The following TEKT2 variants were observed in gnomAD, a reference collection of about 807,000 sequenced individuals.
The protein encoded by TEKT2 is tektin-2.
TEKT2 carries 45 observed loss-of-function variants against 49.8 expected under a neutral mutation model. That is an observed-to-expected ratio of 0.90 (90% CI 0.71 to 1.16). TEKT2 has a LOEUF of 1.16. TEKT2 is among the 50% of genes most tolerant of loss of function. The pLI, the probability that TEKT2 is intolerant of heterozygous loss-of-function variation, is 0.00. For missense variants in TEKT2, 523 were observed against 551.4 expected (o/e 0.95, Z 0.52); for synonymous variants, 202 against 224.6 (o/e 0.90, Z 0.90).
Position 36,084,464 on chromosome 1 carries a change from G to A in TEKT2, c.-53+315G>A, listed in dbSNP as rs1326348028. The A allele has an allele frequency of 8.1e-6, 2 of 247,648 alleles. No individual in the cohort carries two copies. The highest frequency in any genetic ancestry group is 4.5e-5 in the African/African-American group (2 of 44,526). The allele number at this position is 247,648 out of a possible 1,614,324, so 15.3% of individuals were successfully genotyped here. On this transcript the variant is annotated intron_variant, in intron 1 of 9. Coordinates refer to ENST00000207457, the MANE Select transcript of TEKT2 (RefSeq NM_014466.3). The surrounding 1 kb of genome is among the most constrained non-coding windows in gnomAD (Gnocchi z 4.1). ...GGCTCCTGCCCTTAGATCCCCCACG[G>A]GGACTGGCCCGCAGCCTGGGGAAGA...
rs201310093 is a variant in TEKT2 at position 36,087,436 on chromosome 1, C to A, written c.856-3C>A. ...TGGAAACCAGTCACTCTGTCCCCTG[C>A]AGACCTTGGAGGAGATCGCTGAGCT... On this transcript the variant is annotated splice_region_variant and splice_polypyrimidine_tract_variant and intron_variant, in intron 7 of 9. Transcript: ENST00000207457. The surrounding 1 kb of genome is among the most constrained non-coding windows in gnomAD (Gnocchi z 4.9). 6.2e-7 allele frequency: 1 copy of A among 1,613,846 alleles called. No individual in the cohort carries two copies. The highest frequency in any genetic ancestry group is 1.7e-5 in the Admixed American group (1 of 60,032).
At chr1:36,085,540 C>T (rs1643358814) in intron 3 of TEKT2, among the ~76,000 whole-genome samples, 1 of 113,364 alleles carries the variant, frequency 8.8e-6, no homozygotes, top group South Asian at 2.9e-4. Flanking sequence ...TTTGAGACAG[C>T]ATCTGGATCT....
chr1:36,085,656 A>C (rs892810050), intron 3 of TEKT2, 180 bp from the exon 4 acceptor site: 6 of 685,782 alleles, frequency 8.7e-6, no homozygotes, highest in Non-Finnish European at 1.3e-5. Context: ...AGTAGCTGGG[A>C]CTACAGGCGT....
rs1486539458 is a variant in TEKT2, at chr1:36,084,941, A to G, written c.20A>G (p.Lys7Arg). 3 of 1,613,936 alleles carry G rather than the reference A, an allele frequency of 1.9e-6. No homozygotes were observed. Among genetic ancestry groups the G allele is most frequent in the Non-Finnish European group, 2.5e-6 (3 of 1,180,050 alleles). The change falls in exon 2 of 10, where the codon AAG (lysine) becomes AGG (arginine). Residue 7 changes from lysine to arginine, a missense_variant. Transcript: ENST00000207457. This position sits in a 1 kb window ranked among gnomAD's most constrained non-coding sequence, Gnocchi z 4.1. MATLSV[K>R]PSRRFQLPDW... is the part of the protein sequence containing the mutation. ...TGTGCCATGGCCACGCTGAGCGTCA[A>G]GCCAAGTCGGCGCTTCCAGCTGCCC...
Position 36,087,388 on chromosome 1 carries a change from G to A in TEKT2, c.856-51G>A. Reference sequence around the variant, plus strand: ...GCCCCCGCCAGGAGGCACTGGACCAGGCATGCACGTGAGTCCAGCAGGTGG... The same window carrying A: ...GCCCCCGCCAGGAGGCACTGGACCAAGCATGCACGTGAGTCCAGCAGGTGG... On this transcript the variant is annotated intron_variant, in intron 7 of 9. Coordinates refer to ENST00000207457, the MANE Select transcript of TEKT2 (RefSeq NM_014466.3). This position sits in a 1 kb window ranked among gnomAD's most constrained non-coding sequence, Gnocchi z 4.9. 1 of 1,613,888 alleles carries A rather than the reference G, an allele frequency of 6.2e-7. No individual in the cohort carries two copies. The highest frequency in any genetic ancestry group is 8.5e-7 in the Non-Finnish European group (1 of 1,180,004).
Position 36,085,278 on chromosome 1 carries a change from C to A in TEKT2, c.272C>A (p.Ala91Asp). 1 of 1,613,958 alleles carries A rather than the reference C, an allele frequency of 6.2e-7. No individual in the cohort carries two copies. The highest frequency in any genetic ancestry group is 8.5e-7 in the Non-Finnish European group (1 of 1,180,026). ...CLTDLDAEID[A>D]LTQMKESAEQ... ...ACAGATTTAGATGCCGAGATCGATGCCCTGACACAGGCAGGGATCCAGGAC... is the reference window on the plus strand; with the variant it reads ...ACAGATTTAGATGCCGAGATCGATGACCTGACACAGGCAGGGATCCAGGAC... The change falls in exon 3 of 10, where the codon GCC becomes GAC. Residue 91 changes from alanine to aspartate, a missense_variant. Physicochemically the swap from Ala to Asp is moderately radical, Grantham distance 126. Transcript: ENST00000207457.
At chr1:36,085,502 C>CTTTTTTTTT (rs1557729258) in intron 3 of TEKT2, among the ~76,000 whole-genome samples, 10 of 131,406 alleles carry the variant, frequency 7.6e-5, no homozygotes, top group African/African-American at 3.0e-4. Context: ...TTCTTTCTTT[C>CTTTTTTTTT]TTTTCTTTTT....
rs767766784 is a variant in TEKT2 at position 36,084,983 on chromosome 1, G to A, written c.62G>A (p.Ser21Asn). 9.9e-6 allele frequency: 16 copies of A among 1,614,046 alleles called. No individual in the cohort carries two copies. In the South Asian group the frequency reaches 1.8e-4, roughly 18 times the overall value. Reference protein sequence around the residue: ...RFQLPDWHTNSYLLSTNAQLQ... With the variant: ...RFQLPDWHTNNYLLSTNAQLQ... ...CAGCTGCCCGACTGGCACACTAACA[G>A]CTACCTGCTATCCACCAATGCCCAG... Residue 21 changes from serine to asparagine, a missense_variant, in exon 2 of 10, where the codon AGC becomes AAC. Transcript: ENST00000207457. This position sits in a 1 kb window ranked among gnomAD's most constrained non-coding sequence, Gnocchi z 4.1.
In TEKT2 at chr1:36,084,273, C is replaced by T. The variant is rs111960634; in HGVS notation, c.-53+124C>T. On this transcript the variant is annotated intron_variant, in intron 1 of 9. Coordinates refer to ENST00000207457, the MANE Select transcript of TEKT2 (RefSeq NM_014466.3). The surrounding 1 kb of genome is among the most constrained non-coding windows in gnomAD (Gnocchi z 4.1). ...GGTTTGACGGGGAACCGGACTGACC[C>T]CAGCTCTTCCCACGGGGCTCTCCCT... is the stretch of plus-strand genomic sequence containing the variant. 887 of 159,484 alleles carry T rather than the reference C, an allele frequency of 5.6e-3. 11 individuals are homozygous for T. The highest frequency in any genetic ancestry group is 0.021 in the African/African-American group (857 of 41,608). 9.9% of individuals were successfully genotyped at this position (159,484 alleles called of 1,614,324 possible). A position where few individuals can be genotyped will look rare whatever the true frequency, so the allele number is the denominator to read the frequency against.
chr1:36,084,462 C>G lies in TEKT2; in HGVS notation c.-53+313C>G, dbSNP rs1465490604. On this transcript the variant is annotated intron_variant, in intron 1 of 9. Coordinates refer to ENST00000207457, the MANE Select transcript of TEKT2 (RefSeq NM_014466.3). This position sits in a 1 kb window ranked among gnomAD's most constrained non-coding sequence, Gnocchi z 4.1. ...AGGGCTCCTGCCCTTAGATCCCCCA[C>G]GGGGACTGGCCCGCAGCCTGGGGAA... 4.1e-6 allele frequency: 1 copy of G among 246,532 alleles called. No individual in the cohort carries two copies. The highest frequency in any genetic ancestry group is 8.1e-6 in the Non-Finnish European group (1 of 123,712). The allele number at this position is 246,532 out of a possible 1,614,324, so 15.3% of individuals were successfully genotyped here.
rs1041060826 is a variant in TEKT2 at position 36,084,747 on chromosome 1, C to G, written c.-52-123C>G. On this transcript the variant is annotated intron_variant, in intron 1 of 9. Coordinates refer to ENST00000207457, the MANE Select transcript of TEKT2 (RefSeq NM_014466.3). This position sits in a 1 kb window ranked among gnomAD's most constrained non-coding sequence, Gnocchi z 4.1. ...AAGTTGAGTAAAGCAAGGGCTGTCT[C>G]CAAGCAGGCTTCCAGCAGGACAGGG... 10 of 902,492 alleles carry G rather than the reference C, an allele frequency of 1.1e-5. No individual in the cohort carries two copies. The Admixed American group carries it at 1.9e-4, about 17-fold the overall frequency. The allele number at this position is 902,492 out of a possible 1,614,324, so 55.9% of individuals were successfully genotyped here. A position where few individuals can be genotyped will look rare whatever the true frequency, so the allele number is the denominator to read the frequency against.
chr1:36,086,308 C>T (rs1322223577), intron 4 of TEKT2, among the ~76,000 whole-genome samples: 1 of 152,168 alleles, frequency 6.6e-6, no homozygotes, highest in Non-Finnish European at 1.5e-5. Context: ...GCCACCACCC[C>T]TGAGTAGCTC....
intron 3 of TEKT2, 167 bp from the exon 4 acceptor site, chr1:36,085,669 G>GC (rs111955513): frequency 0.063 from 45,696 of 726,612 alleles, 5,590 homozygotes; most frequent in East Asian, 0.33. Flanking sequence ...ACAGGCGTGC[G>GC]CCATCACTCC....
rs142695740 is a variant in TEKT2 at position 36,085,058 on chromosome 1, G to A, written c.137G>A (p.Arg46His). ...HQIRQEARVL[R>H]NETNNQTIWD... ...ATCCGCCAGGAGGCCCGGGTGCTCCGCAACGAGACCAACAACCAGGTTGGG... is the reference window on the plus strand; with the variant it reads ...ATCCGCCAGGAGGCCCGGGTGCTCCACAACGAGACCAACAACCAGGTTGGG... The change falls in exon 2 of 10, where the codon CGC (arginine) becomes CAC (histidine). Residue 46 changes from arginine (R) to histidine (H), a missense_variant. Transcript: ENST00000207457. 5.0e-6 allele frequency: 8 copies of A among 1,613,990 alleles called. No individual in the cohort carries two copies. Among genetic ancestry groups the A allele is most frequent in the South Asian group, 1.1e-5 (1 of 91,092 alleles).
At position 36,085,067 on chromosome 1, in the gene TEKT2, C is replaced by T; in HGVS notation, c.146C>T (p.Thr49Ile). 1.2e-6 allele frequency: 2 copies of T among 1,614,150 alleles called. No individual in the cohort carries two copies. Among genetic ancestry groups the T allele is most frequent in the Non-Finnish European group, 8.5e-7 (1 of 1,180,038 alleles). Reference sequence around the variant, plus strand: ...GAGGCCCGGGTGCTCCGCAACGAGACCAACAACCAGGTTGGGGATGGGAAC... The same window carrying T: ...GAGGCCCGGGTGCTCCGCAACGAGATCAACAACCAGGTTGGGGATGGGAAC... ...RQEARVLRNE[T>I]NNQTIWDEHD... Residue 49 changes from threonine (T) to isoleucine (I), a missense_variant, in exon 2 of 10, where the codon ACC (threonine) becomes ATC (isoleucine). Coordinates refer to ENST00000207457, the MANE Select transcript of TEKT2 (RefSeq NM_014466.3).
chr1:36,086,452 T>A (rs1643374755), intron 4 of TEKT2, among the ~76,000 whole-genome samples: 1 of 151,606 alleles, frequency 6.6e-6, no homozygotes, highest in African/African-American at 2.4e-5. Flanking sequence ...GGGGTCAGCA[T>A]TTTCATCCGA....
rs1643337817 is a variant in TEKT2, at chr1:36,084,630, T to C, written c.-52-240T>C. Reference sequence around the variant, plus strand: ...CTTCGAGGCTTCCGGGACTCCATTATTCCTTTTTACCTGCTCCAGGACCTG... The same window carrying C: ...CTTCGAGGCTTCCGGGACTCCATTACTCCTTTTTACCTGCTCCAGGACCTG... On this transcript the variant is annotated intron_variant, in intron 1 of 9. Transcript: ENST00000207457. This position sits in a 1 kb window ranked among gnomAD's most constrained non-coding sequence, Gnocchi z 4.1. The C allele has an allele frequency of 1.9e-6, 1 of 539,766 alleles. No individual in the cohort carries two copies. The highest frequency in any genetic ancestry group is 3.3e-6 in the Non-Finnish European group (1 of 299,408). 33.4% of individuals were successfully genotyped at this position (539,766 alleles called of 1,614,324 possible). A position where few individuals can be genotyped will look rare whatever the true frequency, so the allele number is the denominator to read the frequency against.
chr1:36,084,983 GCTACCTGCTAT>G lies in TEKT2; in HGVS notation c.64_74del (p.Tyr22HisfsTer32). 6.2e-7 allele frequency: 1 copy of G among 1,614,046 alleles called. No homozygotes were observed. Among genetic ancestry groups the G allele is most frequent in the East Asian group, 2.2e-5 (1 of 44,884 alleles). ...CAGCTGCCCGACTGGCACACTAACA[GCTACCTGCTAT>G]CCACCAATGCCCAGCTGCAGCGAGA... On this transcript the variant is annotated frameshift_variant, in exon 2 of 10. Coordinates refer to ENST00000207457, the MANE Select transcript of TEKT2 (RefSeq NM_014466.3). LOFTEE classifies it high-confidence loss of function. This position sits in a 1 kb window ranked among gnomAD's most constrained non-coding sequence, Gnocchi z 4.1.
chr1:36,085,166 A>G lies in TEKT2; in HGVS notation c.160A>G (p.Ile54Val). 3.7e-6 allele frequency: 6 copies of G among 1,614,196 alleles called. No individual in the cohort carries two copies. The highest frequency in any genetic ancestry group is 1.1e-5 in the South Asian group (1 of 91,086). The change falls in exon 3 of 10, where the codon ATT (isoleucine) becomes GTT (valine). Residue 54 changes from isoleucine (I) to valine (V), a missense_variant. Physicochemically the swap from Ile to Val is conservative, Grantham distance 29. Coordinates refer to ENST00000207457, the MANE Select transcript of TEKT2 (RefSeq NM_014466.3). ...TATCTGGCTCTGTCTCTCTCAGACCATTTGGGATGAACATGACAACAGGAC... is the reference window on the plus strand; with the variant it reads ...TATCTGGCTCTGTCTCTCTCAGACCGTTTGGGATGAACATGACAACAGGAC... Reference protein sequence around the residue: ...VLRNETNNQTIWDEHDNRTRL... With the variant: ...VLRNETNNQTVWDEHDNRTRL...
Sources: allele counts gnomAD v4.1 joint callset (sites outside exome capture counted in the v4.1 genomes callset), GRCh38; gene constraint gnomAD v4.1.1; non-coding constraint Gnocchi (gnomAD v3.1); transcripts MANE v1.5; gene names NCBI Gene and HGNC (gene_info 2026-07-23, HGNC 2026-07-21).